MICU2: variants seen among roughly 807,000 people sequenced by gnomAD.
The protein encoded by MICU2 is calcium uptake protein 2, mitochondrial.
Under a neutral mutation model 60.4 loss-of-function variants are expected in MICU2, and 64 were observed. The ratio of observed to expected loss-of-function variants is 1.06; its 90% confidence interval spans 0.87 to 1.31. The LOEUF is 1.31. MICU2 is among the 50% of genes most tolerant of loss of function. MICU2 has a pLI of 0.00. For synonymous variants in MICU2, 201 were observed against 175.0 expected (o/e 1.15, Z -1.17); for missense variants, 569 against 531.0 (o/e 1.07, Z -0.70).
intron 9 of MICU2, among the ~76,000 whole-genome samples, chr13:21,497,421 A>G (rs1285616904): frequency 6.6e-6 from 1 of 152,150 alleles, no homozygotes; most frequent in Non-Finnish European, 1.5e-5. Flanking sequence ...CCATTAAAAC[A>G]ATAAAAGCTG....
intron 6 of MICU2, 80 bp downstream of exon 6, chr13:21,521,165 G>T: frequency 1.8e-6 from 2 of 1,108,270 alleles, no homozygotes; most frequent in South Asian, 1.4e-5. Context: ...ATACAATTTT[G>T]ATTTTAATGG....
At chr13:21,516,314 T>A (rs1304435058) in intron 6 of MICU2, among the ~76,000 whole-genome samples, 1 of 152,222 alleles carries the variant, frequency 6.6e-6, no homozygotes, top group Non-Finnish European at 1.5e-5. Flanking sequence ...TAAATGAAAT[T>A]AACTAGTATG....
rs144467851 is a variant in MICU2, at chr13:21,532,299, C to T, written c.466+7003G>A. Reference sequence around the variant, plus strand: ...TCCACTACCATTTGCTATCTTCATACCAAGAAAATAAAATGTTTGCTTACT... The same window carrying T: ...TCCACTACCATTTGCTATCTTCATATCAAGAAAATAAAATGTTTGCTTACT... On this transcript the variant is annotated intron_variant, in intron 4 of 11. Transcript: ENST00000382374. Among the ~76,000 whole-genome samples, 307 of 152,310 alleles carry T rather than the reference C, an allele frequency of 2.0e-3. 3 individuals carry two copies. The highest frequency in any genetic ancestry group is 0.012 in the Admixed American group (185 of 15,294).
At chr13:21,598,740 G>T (rs1340428412) in intron 1 of MICU2, among the ~76,000 whole-genome samples, 3 of 152,088 alleles carry the variant, frequency 2.0e-5, no homozygotes, top group Admixed American at 1.3e-4. Context: ...AAAAGTAATG[G>T]TTCAGAAAGC....
chr13:21,526,058 C>T (rs1043671422), intron 4 of MICU2, among the ~76,000 whole-genome samples: 1 of 151,632 alleles, frequency 6.6e-6, no homozygotes, highest in Non-Finnish European at 1.5e-5. Flanking sequence ...ACCTCTCAGC[C>T]TCCTGAGTAG....
chr13:21,501,522 A>G (rs1326207603), intron 9 of MICU2, among the ~76,000 whole-genome samples: 2 of 152,198 alleles, frequency 1.3e-5, no homozygotes, highest in African/African-American at 2.4e-5. Flanking sequence ...TTGGCCTCCC[A>G]AAGTGCCAGG....
At chr13:21,572,499 T>TG (rs1888134529) in intron 1 of MICU2, among the ~76,000 whole-genome samples, 2 of 152,216 alleles carry the variant, frequency 1.3e-5, no homozygotes, top group African/African-American at 2.4e-5. Context: ...GTACTTCCCC[T>TG]GGGAGATACA....
chr13:21,549,117 G>A (rs1439493057), intron 2 of MICU2, among the ~76,000 whole-genome samples: 1 of 151,566 alleles, frequency 6.6e-6, no homozygotes, highest in East Asian at 1.9e-4. Context: ...TTTTAGTAGA[G>A]ACGGGGTTTC....
intron 1 of MICU2, among the ~76,000 whole-genome samples, chr13:21,568,591 T>C (rs1888036228): frequency 6.6e-6 from 1 of 152,224 alleles, no homozygotes; most frequent in Non-Finnish European, 1.5e-5. Flanking sequence ...TTGATCCTTT[T>C]TGTAAAAATA....
intron 4 of MICU2, among the ~76,000 whole-genome samples, chr13:21,538,843 A>G (rs1887203264): frequency 6.6e-6 from 1 of 152,098 alleles, no homozygotes; most frequent in Non-Finnish European, 1.5e-5. Flanking sequence ...AATGTCAAAC[A>G]CTTCCAGCTG....
intron 2 of MICU2, among the ~76,000 whole-genome samples, chr13:21,565,749 C>T (rs1887966162): frequency 6.6e-6 from 1 of 152,222 alleles, no homozygotes; most frequent in South Asian, 2.1e-4. Flanking sequence ...AGGAGAATTG[C>T]TTGAACCCGG....
intron 2 of MICU2, among the ~76,000 whole-genome samples, chr13:21,542,893 T>G (rs947378150): frequency 2.6e-5 from 4 of 152,198 alleles, no homozygotes; most frequent in African/African-American, 4.8e-5. Context: ...ATAGATCCAA[T>G]AAATCTGCCC....
intron 10 of MICU2, 51 bp from the exon 11 acceptor site, chr13:21,495,369 G>A: frequency 7.3e-7 from 1 of 1,378,520 alleles, no homozygotes; most frequent in Non-Finnish European, 9.5e-7. Context: ...TAGTCTAAGT[G>A]AAATTAATCT....
chr13:21,602,541 CA>C (rs1235440134), intron 1 of MICU2, among the ~76,000 whole-genome samples: 1 of 151,436 alleles, frequency 6.6e-6, no homozygotes, highest in Non-Finnish European at 1.5e-5. Flanking sequence ...AAAACAAAAA[CA>C]AAAAACAAAC....
At chr13:21,497,994 A>T (rs1359852804) in intron 9 of MICU2, among the ~76,000 whole-genome samples, 2 of 152,054 alleles carry the variant, frequency 1.3e-5, no homozygotes, top group East Asian at 3.9e-4. Flanking sequence ...GGCTCAAGTG[A>T]TCCTCCCACC....
intron 1 of MICU2, among the ~76,000 whole-genome samples, chr13:21,578,721 T>C (rs923761941): frequency 6.6e-6 from 1 of 152,260 alleles, no homozygotes; most frequent in African/African-American, 2.4e-5. Flanking sequence ...CTCTGCTATG[T>C]GCAACCTCAC....
intron 1 of MICU2, among the ~76,000 whole-genome samples, chr13:21,588,466 C>A (rs1333581024): frequency 1.3e-5 from 2 of 152,176 alleles, no homozygotes; most frequent in Non-Finnish European, 2.9e-5. Context: ...AGTCCAGCAC[C>A]CTGCAGGTCA....
At chr13:21,550,313 G>A (rs998810717) in intron 2 of MICU2, among the ~76,000 whole-genome samples, 1 of 152,176 alleles carries the variant, frequency 6.6e-6, no homozygotes, top group Non-Finnish European at 1.5e-5. Flanking sequence ...AAGACGGGAG[G>A]ATCACTTGAA....
intron 1 of MICU2, among the ~76,000 whole-genome samples, chr13:21,591,172 TG>T (rs1463483674): frequency 4.0e-5 from 6 of 148,808 alleles, no homozygotes; most frequent in Non-Finnish European, 8.9e-5. Flanking sequence ...AATAAAGGGA[TG>T]GAGGAAAATT....
Sources: gnomAD v4.1 joint callset for allele counts (sites outside exome capture counted in the v4.1 genomes callset) on GRCh38, gnomAD v4.1.1 for gene constraint, MANE v1.5 for transcripts, NCBI Gene and HGNC (gene_info 2026-07-23, HGNC 2026-07-21) for gene names.